FHIT: variants seen among roughly 807,000 people sequenced by gnomAD.
FHIT encodes the protein bis(5'-adenosyl)-triphosphatase.
In FHIT, 19 loss-of-function variants were observed where a neutral mutation model predicts 17.9. The observed-to-expected ratio is 1.06, with a 90% CI of 0.74 to 1.56. FHIT has a LOEUF of 1.56. Among genes scored for constraint, FHIT ranks in the 40% most tolerant of loss-of-function variants. The probability of loss-of-function intolerance (pLI) is 0.00; values close to 1 mark genes in which losing one functional copy is unlikely to be tolerated. For synonymous variants in FHIT, 81 were observed against 69.7 expected, an observed-to-expected ratio of 1.16 and a Z score of -0.81; for missense variants, 248 against 189.2, an observed-to-expected ratio of 1.31 and a Z score of -1.82.
intron 5 of FHIT, among the ~76,000 whole-genome samples, chr3:60,432,239 G>C (rs1576643491): frequency 6.6e-6 from 1 of 152,088 alleles, no homozygotes; most frequent in Non-Finnish European, 1.5e-5. Context: ...GCCTCCCAAA[G>C]TACTGGGATT....
chr3:60,971,554 T>A (rs530088812), intron 3 of FHIT, among the ~76,000 whole-genome samples: 1 of 152,130 alleles, frequency 6.6e-6, no homozygotes, highest in African/African-American at 2.4e-5. Context: ...TATCTATGCA[T>A]TGGAGAAAGG....
chr3:60,531,598 A>C (rs2035789885), intron 5 of FHIT, among the ~76,000 whole-genome samples: 1 of 152,230 alleles, frequency 6.6e-6, no homozygotes, highest in Non-Finnish European at 1.5e-5. Flanking sequence ...TCTTTAGAGA[A>C]ATGAAAGATC....
chr3:61,233,054 T>G (rs1315696858), intron 1 of FHIT, among the ~76,000 whole-genome samples: 1 of 152,216 alleles, frequency 6.6e-6, no homozygotes, highest in East Asian at 1.9e-4. Flanking sequence ...AAATTTCACT[T>G]TATACCTTTT....
intron 4 of FHIT, among the ~76,000 whole-genome samples, chr3:60,791,010 A>G (rs1324190940): frequency 6.6e-6 from 1 of 152,196 alleles, no homozygotes; most frequent in Non-Finnish European, 1.5e-5. Flanking sequence ...ACCAAATGTA[A>G]TAATGCACTC....
chr3:60,039,228 G>C (rs945235569), intron 5 of FHIT, among the ~76,000 whole-genome samples: 2 of 152,132 alleles, frequency 1.3e-5, no homozygotes, highest in African/African-American at 4.8e-5. Context: ...TCTCAAGCTA[G>C]AAAGAAAACC....
intron 5 of FHIT, among the ~76,000 whole-genome samples, chr3:60,119,432 C>A (rs1431016669): frequency 2.0e-5 from 3 of 152,080 alleles, no homozygotes; most frequent in Non-Finnish European, 4.4e-5. Flanking sequence ...AATGAAGATG[C>A]ATCTTGTAAT....
intron 7 of FHIT, among the ~76,000 whole-genome samples, chr3:60,009,642 A>G (rs1179152922): frequency 1.3e-5 from 2 of 152,206 alleles, no homozygotes; most frequent in African/African-American, 4.8e-5. Context: ...TTTTTAGTCA[A>G]GAGATAATTC....
intron 3 of FHIT, among the ~76,000 whole-genome samples, chr3:60,886,793 C>T (rs1705242956): frequency 1.3e-5 from 2 of 152,040 alleles, no homozygotes; most frequent in Admixed American, 6.6e-5. Flanking sequence ...TAATACATTC[C>T]TCCATTTACT....
intron 5 of FHIT, among the ~76,000 whole-genome samples, chr3:60,326,358 G>T (rs1355722974): frequency 6.6e-6 from 1 of 152,006 alleles, no homozygotes; most frequent in African/African-American, 2.4e-5. Context: ...AGATCATCAG[G>T]CATTAGGTTC....
chr3:60,551,875 T>G (rs1219233242), intron 4 of FHIT, among the ~76,000 whole-genome samples: 1 of 151,908 alleles, frequency 6.6e-6, no homozygotes, highest in Non-Finnish European at 1.5e-5. Context: ...ACCCTTCTAG[T>G]GTACAGTTTG....
intron 5 of FHIT, among the ~76,000 whole-genome samples, chr3:60,324,314 G>A (rs1576475841): frequency 2.4e-5 from 3 of 126,298 alleles, no homozygotes; most frequent in Non-Finnish European, 5.0e-5. Context: ...GGCCGGGCGC[G>A]ATGGCTCACG....
intron 5 of FHIT, among the ~76,000 whole-genome samples, chr3:60,020,898 G>C (rs371259580): frequency 6.6e-6 from 1 of 152,130 alleles, no homozygotes; most frequent in African/African-American, 2.4e-5. Flanking sequence ...TTTCATATCA[G>C]AAAGGCAGAA....
intron 5 of FHIT, among the ~76,000 whole-genome samples, chr3:60,080,262 C>T (rs192142613): frequency 5.3e-5 from 8 of 152,186 alleles, no homozygotes; most frequent in African/African-American, 1.9e-4. Flanking sequence ...CTACCTTTGA[C>T]AATGCTTGCG....
At chr3:60,570,801 A>G (rs1160201185) in intron 4 of FHIT, among the ~76,000 whole-genome samples, 1 of 151,910 alleles carries the variant, frequency 6.6e-6, no homozygotes, top group Non-Finnish European at 1.5e-5. Flanking sequence ...GTTGACAAAT[A>G]TTTGTTGGAC....
chr3:60,224,207 G>C (rs1704086728), intron 5 of FHIT, among the ~76,000 whole-genome samples: 1 of 152,062 alleles, frequency 6.6e-6, no homozygotes, highest in Non-Finnish European at 1.5e-5. Context: ...TCTTCCAGAA[G>C]ACAGCACTGA....
chr3:60,685,550 A>T (rs1203288774), intron 4 of FHIT, among the ~76,000 whole-genome samples: 1 of 152,152 alleles, frequency 6.6e-6, no homozygotes, highest in African/African-American at 2.4e-5. Context: ...GAAAATGGTG[A>T]CATCTCCACC....
intron 3 of FHIT, among the ~76,000 whole-genome samples, chr3:61,000,989 A>G (rs2031041601): frequency 6.6e-6 from 1 of 152,242 alleles, no homozygotes; most frequent in Non-Finnish European, 1.5e-5. Context: ...AAACAGTTAG[A>G]AAATGGGCAG....
chr3:60,774,426 G>C (rs958497184), intron 4 of FHIT, among the ~76,000 whole-genome samples: 1 of 151,954 alleles, frequency 6.6e-6, no homozygotes, highest in Non-Finnish European at 1.5e-5. Context: ...TCAGCCTCCC[G>C]AGTAGTTGGG....
intron 5 of FHIT, among the ~76,000 whole-genome samples, chr3:60,365,197 A>G (rs965447962): frequency 6.7e-6 from 1 of 150,242 alleles, no homozygotes; most frequent in African/African-American, 2.4e-5. Flanking sequence ...TAAGACCACT[A>G]AAATTGGGAT....
Sources: gnomAD v4.1 joint callset for allele counts (sites outside exome capture counted in the v4.1 genomes callset) on GRCh38, gnomAD v4.1.1 for gene constraint, MANE v1.5 for transcripts, NCBI Gene and HGNC (gene_info 2026-07-23, HGNC 2026-07-21) for gene names.